Variants in SLC66A2 observed in about 807,000 individuals in gnomAD.
The protein encoded by SLC66A2 is PQ loop repeat containing 1.
A neutral mutation model predicts 25.5 loss-of-function variants in SLC66A2; 23 were observed. The observed-to-expected ratio is 0.90, with a 90% CI of 0.65 to 1.28. The LOEUF (loss-of-function observed/expected upper bound fraction) is 1.28, where lower values mean the gene tolerates loss of function less well. Among genes scored for constraint, SLC66A2 ranks in the 50% most tolerant of loss-of-function variants. SLC66A2 has a pLI of 0.00. For missense variants in SLC66A2, 396 were observed against 373.1 expected (o/e 1.06, Z -0.51); for synonymous variants, 193 against 166.5 (o/e 1.16, Z -1.23).
rs775590610 is a variant in SLC66A2 at position 79,925,325 on chromosome 18, G to A, written c.392-5925C>T. Among the ~76,000 whole-genome samples the A allele has an allele frequency of 2.6e-5, 4 of 152,304 alleles. No individual in the cohort carries two copies. The East Asian group carries it at 7.7e-4, about 29-fold the overall frequency. ...AGAACAAGAACAAAAGGGCAAGAAC[G>A]CAATTAGGATGCACACCCGTGGTCA... On this transcript the variant is annotated intron_variant, in intron 4 of 5. Transcript: ENST00000397778.
chr18:79,914,658 G>A (rs976217940), intron 5 of SLC66A2, among the ~76,000 whole-genome samples: 3 of 152,354 alleles, frequency 2.0e-5, no homozygotes, highest in Non-Finnish European at 2.9e-5. Flanking sequence ...GGACCCATGC[G>A]GAGAAGCCAG....
chr18:79,935,300 T>C (rs1986972465), intron 3 of SLC66A2: 1 of 152,256 alleles, frequency 6.6e-6, no homozygotes, highest in African/African-American at 2.4e-5. Context: ...GGCTGTGTCC[T>C]AGGCACAGCC....
chr18:79,944,531 G>C (rs1334018693), intron 2 of SLC66A2: 2 of 152,446 alleles, frequency 1.3e-5, no homozygotes, highest in East Asian at 3.8e-4. Context: ...CCTCCCTGCG[G>C]TCTCTGCCTC....
Position 79,904,279 on chromosome 18 carries a change from G to A in SLC66A2, c.609-96C>T, listed in dbSNP as rs1279639690. On this transcript the variant is annotated intron_variant, in intron 5 of 5. Coordinates refer to ENST00000397778, the MANE Select transcript of SLC66A2 (RefSeq NM_025078.5). This position sits in a 1 kb window ranked among gnomAD's most constrained non-coding sequence, Gnocchi z 6.3. ...GGGGCTTAGACAGCGGGGAGACCTG[G>A]GGCTCAGGGGCACCCAGGGGGCTAA... 7.1e-6 allele frequency: 8 copies of A among 1,121,008 alleles called. No homozygotes were observed. Among genetic ancestry groups the A allele is most frequent in the Admixed American group, 2.0e-5 (1 of 49,314 alleles). 69.4% of individuals were successfully genotyped at this position (1,121,008 alleles called of 1,614,324 possible). A position where few individuals can be genotyped will look rare whatever the true frequency, so the allele number is the denominator to read the frequency against.
In SLC66A2 at chr18:79,950,767, A is replaced by T. The variant is rs750294868; in HGVS notation, c.160T>A (p.Cys54Ser). 2 of 1,613,266 alleles carry T rather than the reference A, an allele frequency of 1.2e-6. No homozygotes were observed. Among genetic ancestry groups the T allele is most frequent in the South Asian group, 2.2e-5 (2 of 91,088 alleles). The part of the protein sequence containing the change: ...QNADGFSTYV[C>S]LVLLVANILR... ...ATGTTGGCCACCAGCAGCACCAGGC[A>T]CACGTAGGTGGAGAAGCCGTCGGCG... Residue 54 changes from cysteine to serine, a missense_variant, in exon 2 of 6, where the codon TGC (cysteine) becomes AGC (serine). Cys to Ser is a moderately radical substitution (Grantham distance 112, BLOSUM62 -1). Transcript: ENST00000397778.
chr18:79,936,779 A>T (rs1384637449), intron 3 of SLC66A2, among the ~76,000 whole-genome samples: 2 of 152,232 alleles, frequency 1.3e-5, no homozygotes, highest in African/African-American at 4.8e-5. Flanking sequence ...TTTCCTGGTG[A>T]CGTATCATGC....
chr18:79,915,641 C>T (rs1478909260), intron 5 of SLC66A2: 1 of 152,228 alleles, frequency 6.6e-6, no homozygotes, highest in Admixed American at 6.5e-5. Context: ...GGCCAAGCCT[C>T]CTGTGGCCCG....
rs559710468 is a variant in SLC66A2 at position 79,916,968 on chromosome 18, G to A, written c.608+2216C>T. Among the ~76,000 whole-genome samples, 14 of 152,392 alleles carry A rather than the reference G, an allele frequency of 9.2e-5. No individual in the cohort carries two copies. In the South Asian group the frequency reaches 2.7e-3, roughly 29 times the overall value. On this transcript the variant is annotated intron_variant, in intron 5 of 5. Transcript: ENST00000397778. ...CTGTCTCTGGGTCAGGACAACCGGC[G>A]GTGCCCGCCGCAGGACCGACTGCCT...
chr18:79,928,125 G>A (rs756136984), intron 4 of SLC66A2, among the ~76,000 whole-genome samples: 28 of 152,348 alleles, frequency 1.8e-4, no homozygotes, highest in Admixed American at 3.9e-4. Context: ...CAGCCTGAAC[G>A]GCTTCTGCCC....
chr18:79,923,793 A>AT lies in SLC66A2; in HGVS notation c.392-4394dup, dbSNP rs1985583503. On this transcript the variant is annotated intron_variant, in intron 4 of 5. Coordinates refer to ENST00000397778, the MANE Select transcript of SLC66A2 (RefSeq NM_025078.5). Reference sequence around the variant, plus strand: ...CCAGGCGCAGTGGCTCACACCTGTCATCCCAGCACCTTGGGAGGTTGAGGT... The same window carrying AT: ...CCAGGCGCAGTGGCTCACACCTGTCATTCCCAGCACCTTGGGAGGTTGAGGT... Among the ~76,000 whole-genome samples, 3 of 152,356 alleles carry AT rather than the reference A, an allele frequency of 2.0e-5. No individual in the cohort carries two copies. The South Asian group carries it at 6.2e-4, about 32-fold the overall frequency.
At position 79,941,774 on chromosome 18, in the gene SLC66A2, C is replaced by T. The variant is rs1987691483; in HGVS notation, c.337+1555G>A. The T allele has an allele frequency of 6.6e-6, 1 of 152,610 alleles. No individual in the cohort carries two copies. The highest frequency in any genetic ancestry group is 2.4e-5 in the African/African-American group (1 of 41,464). 9.5% of individuals were successfully genotyped at this position (152,610 alleles called of 1,614,324 possible). A position where few individuals can be genotyped will look rare whatever the true frequency, so the allele number is the denominator to read the frequency against. Reference sequence around the variant, plus strand: ...ACAACCTGCCGTCTCTGGGACCTCACATCAAGCCACTGCCCACTGCCAACA... The same window carrying T: ...ACAACCTGCCGTCTCTGGGACCTCATATCAAGCCACTGCCCACTGCCAACA... On this transcript the variant is annotated intron_variant, in intron 3 of 5. Coordinates refer to ENST00000397778, the MANE Select transcript of SLC66A2 (RefSeq NM_025078.5). This position sits in a 1 kb window ranked among gnomAD's most constrained non-coding sequence, Gnocchi z 4.1.
At chr18:79,914,214 G>T (rs1486102722) in intron 5 of SLC66A2, among the ~76,000 whole-genome samples, 2 of 152,158 alleles carry the variant, frequency 1.3e-5, no homozygotes, top group Non-Finnish European at 2.9e-5. Flanking sequence ...CAAAGTCTTG[G>T]TTTTTTGGGT....
At chr18:79,928,406 C>T (rs1376934022) in intron 4 of SLC66A2, among the ~76,000 whole-genome samples, 1 of 152,196 alleles carries the variant, frequency 6.6e-6, no homozygotes, top group Non-Finnish European at 1.5e-5. Flanking sequence ...CTTCATGCTT[C>T]CAGCCATCAG....
chr18:79,908,331 T>C lies in SLC66A2; in HGVS notation c.609-4148A>G, dbSNP rs182980031. Among the ~76,000 whole-genome samples, 39 of 150,206 alleles carry C rather than the reference T, an allele frequency of 2.6e-4. No individual in the cohort carries two copies. The East Asian group carries it at 3.9e-3, about 15-fold the overall frequency. On this transcript the variant is annotated intron_variant, in intron 5 of 5. Coordinates refer to ENST00000397778, the MANE Select transcript of SLC66A2 (RefSeq NM_025078.5). ...ATTCCTAAAGGAATTTTTTTTTTTT[T>C]CCTGAATATAGAATTCTGGGTCAAA...
chr18:79,938,864 G>A (rs1398424949), intron 3 of SLC66A2, among the ~76,000 whole-genome samples: 1 of 152,156 alleles, frequency 6.6e-6, no homozygotes, highest in Admixed American at 6.5e-5. Context: ...CTTTAGTAGA[G>A]ACGGGGTTTC....
rs576452909 is a variant in SLC66A2, at chr18:79,902,530, C to T, written c.*1446G>A. The T allele has an allele frequency of 1.3e-5, 2 of 152,416 alleles. No individual in the cohort carries two copies. The allele number at this position is 152,416 out of a possible 1,614,324, so 9.4% of individuals were successfully genotyped here. ...AATGTGAGGCAATTACCGCTACAGA[C>T]ATCTTGCTTCATCTTAAAAAAATAA... On this transcript the variant is annotated 3_prime_UTR_variant, in exon 6 of 6. Transcript: ENST00000397778.
chr18:79,932,249 T>C (rs1986640275), intron 4 of SLC66A2, among the ~76,000 whole-genome samples: 1 of 151,902 alleles, frequency 6.6e-6, no homozygotes, highest in Non-Finnish European at 1.5e-5. Flanking sequence ...AAGCACCTGC[T>C]TAGAGAGAAA....
At chr18:79,924,036 C>CAAA (rs1415720359) in intron 4 of SLC66A2, among the ~76,000 whole-genome samples, 2 of 94,942 alleles carry the variant, frequency 2.1e-5, no homozygotes, top group Non-Finnish European at 2.2e-5. Context: ...GACCTGGTCT[C>CAAA]AAAAAAAAAA....
intron 2 of SLC66A2, 96 bp from the exon 3 acceptor site, chr18:79,943,558 C>A (rs575431457): frequency 7.0e-7 from 1 of 1,421,148 alleles, no homozygotes. Context: ...AGGAGGGAGG[C>A]CCACCCACGC....
Sources: allele counts gnomAD v4.1 joint callset (sites outside exome capture counted in the v4.1 genomes callset), GRCh38; gene constraint gnomAD v4.1.1; non-coding constraint Gnocchi (gnomAD v3.1); transcripts MANE v1.5; gene names NCBI Gene and HGNC (gene_info 2026-07-23, HGNC 2026-07-21).